The following PCSK4 variants were observed in gnomAD, a reference collection of about 807,000 sequenced individuals.
PCSK4 encodes the protein proprotein convertase subtilisin/kexin type 4, also known as testicular tissue protein Li 135.
A neutral mutation model predicts 80.3 loss-of-function variants in PCSK4; 64 were observed. The observed-to-expected ratio is 0.80, with a 90% CI of 0.65 to 0.98. The LOEUF (loss-of-function observed/expected upper bound fraction) is 0.98. Among genes scored for constraint, PCSK4 ranks in the 50% least tolerant of loss-of-function variants. The pLI, the probability that PCSK4 is intolerant of heterozygous loss-of-function variation, is 0.00. For synonymous variants in PCSK4, 561 were observed against 487.6 expected, an observed-to-expected ratio of 1.15 and a Z score of -1.98; for missense variants, 1,213 against 1,093.6, an observed-to-expected ratio of 1.11 and a Z score of -1.54.
At chr19:1,487,520 C>T (rs1363707525) in intron 6 of PCSK4, 83 bp downstream of exon 6, 52 of 1,266,540 alleles carry the variant, frequency 4.1e-5, no homozygotes, top group Non-Finnish European at 5.6e-5. Flanking sequence ...GGTGGGCTCC[C>T]GAGTCCTTGG....
At position 1,488,246 on chromosome 19, in the gene PCSK4, C is replaced by G. The variant is rs746626491; in HGVS notation, c.329G>C (p.Arg110Pro). The G allele has an allele frequency of 1.9e-6, 3 of 1,613,468 alleles. No individual in the cohort carries two copies. Among genetic ancestry groups the G allele is most frequent in the Non-Finnish European group, 2.5e-6 (3 of 1,179,908 alleles). ...GGGCACCACGACAGAGCGTTTCACC[C>G]GCCGCTGCAGCGTCTGCTGCTGGAA... Residue 110 changes from arginine to proline, a missense_variant, in exon 3 of 15, where the codon CGG becomes CCG. Transcript: ENST00000300954.
chr19:1,483,303 A>AGC lies in PCSK4; in HGVS notation c.1550_1551dup (p.Ser518AlafsTer40). The AGC allele has an allele frequency of 6.2e-7, 1 of 1,603,134 alleles. No individual in the cohort carries two copies. The highest frequency in any genetic ancestry group is 1.1e-5 in the South Asian group (1 of 90,382). On this transcript the variant is annotated frameshift_variant, in exon 12 of 15. Coordinates refer to ENST00000300954, the Ensembl canonical transcript of PCSK4. LOFTEE classifies it high-confidence loss of function. ...GCTCACCGTATGGCCACGAGTGTGG[A>AGC]GCGCGTGCCCATGGGGCTGGTGAGC...
chr19:1,484,015 G>C lies in PCSK4; in HGVS notation c.1169+12C>G. Reference sequence around the variant, plus strand: ...GGGCGAGGGCGGTGGACCGGGCCCCGCAGTCACCTACTTGGCCTCCAGCGC... The same window carrying C: ...GGGCGAGGGCGGTGGACCGGGCCCCCCAGTCACCTACTTGGCCTCCAGCGC... On this transcript the variant is annotated intron_variant, in intron 9 of 14. Coordinates refer to ENST00000300954, the Ensembl canonical transcript of PCSK4. The C allele has an allele frequency of 3.9e-6, 6 of 1,528,650 alleles. No homozygotes were observed. Among genetic ancestry groups the C allele is most frequent in the Non-Finnish European group, 5.3e-6 (6 of 1,139,022 alleles). The allele number at this position is 1,528,650 out of a possible 1,614,324, so 94.7% of individuals were successfully genotyped here.
exon 11 of PCSK4, chr19:1,483,732 C>A: frequency 5.0e-6 from 8 of 1,594,388 alleles, no homozygotes; most frequent in Non-Finnish European, 6.8e-6. Flanking sequence ...ACCAGCAGCC[C>A]GGCGTCCAGC....
At chr19:1,486,585 C>T (rs918841535) in intron 8 of PCSK4, among the ~76,000 whole-genome samples, 29 of 151,884 alleles carry the variant, frequency 1.9e-4, no homozygotes, top group Non-Finnish European at 3.1e-4. Context: ...CGTCAGCCAC[C>T]GTGCCTGGCC....
chr19:1,483,519 G>A (rs1188434615), intron 11 of PCSK4, 56 bp from the exon 12 acceptor site: 16 of 1,412,292 alleles, frequency 1.1e-5, no homozygotes, highest in Non-Finnish European at 1.4e-5. Context: ...GTGGGTGGGC[G>A]GCCAGCAGGC....
intron 3 of PCSK4, 31 bp downstream of exon 3, chr19:1,488,157 C>A (rs2084741956): frequency 6.2e-7 from 1 of 1,613,202 alleles, no homozygotes. Flanking sequence ...GCGGCCCCGT[C>A]CCCGTCTACC....
At chr19:1,481,909 T>C (rs1453961094) in exon 15 of PCSK4, 2 of 1,594,002 alleles carry the variant, frequency 1.3e-6, no homozygotes, top group Admixed American at 3.4e-5. Flanking sequence ...TGGCCGAGGC[T>C]GGGCAGCGGT....
chr19:1,483,536 G>A (rs2084427142), intron 11 of PCSK4, 73 bp from the exon 12 acceptor site: 4 of 1,415,982 alleles, frequency 2.8e-6, no homozygotes, highest in Non-Finnish European at 2.9e-6. Context: ...AGGCGAGGTC[G>A]GGGCTCAGAG....
exon 1 of PCSK4, chr19:1,490,325 G>A (rs1329388025): frequency 1.4e-6 from 2 of 1,402,856 alleles, no homozygotes; most frequent in East Asian, 2.6e-5. Flanking sequence ...CGCAGCCACA[G>A]CGCAATCGGG....
Position 1,483,837 on chromosome 19 carries a change from C to T in PCSK4, c.1273+1G>A. ...CCCGCCCCCGCCCGGCCCCGCCGCA[C>T]CTTGGCGCCCCACGCCGTTGGTCCT... is the stretch of plus-strand genomic sequence containing the variant. On this transcript the variant is annotated splice_donor_variant, in intron 10 of 14. Transcript: ENST00000300954. LOFTEE classifies it high-confidence loss of function. The T allele has an allele frequency of 6.7e-7, 1 of 1,492,130 alleles. No individual in the cohort carries two copies. Among genetic ancestry groups the T allele is most frequent in the Non-Finnish European group, 8.8e-7 (1 of 1,130,486 alleles). The allele number at this position is 1,492,130 out of a possible 1,614,324, so 92.4% of individuals were successfully genotyped here. A position where few individuals can be genotyped will look rare whatever the true frequency, so the allele number is the denominator to read the frequency against.
At chr19:1,482,028 A>G (rs769976285) in exon 15 of PCSK4, 2 of 1,571,040 alleles carry the variant, frequency 1.3e-6, no homozygotes, top group Non-Finnish European at 1.7e-6. Context: ...CAGGAGGTGC[A>G]GTCCCTCGGG....
chr19:1,485,921 T>C (rs2145379991), intron 8 of PCSK4, among the ~76,000 whole-genome samples: 1 of 152,232 alleles, frequency 6.6e-6, no homozygotes, highest in East Asian at 1.9e-4. Context: ...TTCTCCCACT[T>C]TGGCCTCCCA....
chr19:1,488,425 T>G (rs1033902788), intron 2 of PCSK4, 145 bp from the exon 3 acceptor site: 6 of 641,818 alleles, frequency 9.3e-6, no homozygotes, highest in Non-Finnish European at 1.6e-5. Flanking sequence ...GGGCTCTGTC[T>G]GCAGTCGGAA....
intron 11 of PCSK4, 55 bp downstream of exon 11, chr19:1,483,595 G>T: frequency 6.8e-7 from 1 of 1,479,262 alleles, no homozygotes; most frequent in Non-Finnish European, 9.1e-7. Flanking sequence ...TGAGGCCTCA[G>T]GCCTGTCCCC....
chr19:1,481,587 TTC>T (rs370258871), exon 15 of PCSK4: 2,975 of 424,596 alleles, frequency 7.0e-3, no homozygotes, highest in South Asian at 0.015. Flanking sequence ...CAGAGGAGAC[TTC>T]TCTCTCTCTC....
Position 1,487,028 on chromosome 19 carries a change from G to A in PCSK4, c.893C>T (p.Ser298Leu), listed in dbSNP as rs771140768. The A allele has an allele frequency of 2.9e-5, 47 of 1,607,980 alleles. No individual in the cohort carries two copies. The highest frequency in any genetic ancestry group is 3.6e-5 in the Non-Finnish European group (43 of 1,179,778). The change falls in exon 8 of 15, where the codon TCG becomes TTG. Residue 298 changes from serine to leucine, a missense_variant. Ser to Leu is a moderately radical substitution (Grantham distance 145). Transcript: ENST00000300954. The stretch of plus-strand genomic sequence containing the variant: ...GTCGTAGTGCAGGCCGCCGTTGCCC[G>A]AGGCCCAGATGAAGAGCGTGCCCAG...
chr19:1,487,510 G>T lies in PCSK4; in HGVS notation c.682+93C>A, dbSNP rs142715879. ...CCCTAGCACCACCCAGCAGTGAGAG[G>T]GTGGGCTCCCGAGTCCTTGGGCCCA... On this transcript the variant is annotated intron_variant, in intron 6 of 14. Transcript: ENST00000300954. 1.5e-4 allele frequency: 182 copies of T among 1,175,306 alleles called. No homozygotes were observed. In the African/African-American group the frequency reaches 2.5e-3, roughly 16 times the overall value. The allele number at this position is 1,175,306 out of a possible 1,614,324, so 72.8% of individuals were successfully genotyped here.
intron 6 of PCSK4, 40 bp downstream of exon 6, chr19:1,487,563 T>C (rs1327029848): frequency 1.3e-6 from 2 of 1,502,062 alleles, no homozygotes; most frequent in East Asian, 2.5e-5. Context: ...CCCCCTTCCC[T>C]CTCTGTCCCG....
Sources: gnomAD v4.1 joint callset for allele counts (sites outside exome capture counted in the v4.1 genomes callset) on GRCh38, gnomAD v4.1.1 for gene constraint, MANE v1.5 for transcripts, NCBI Gene and HGNC (gene_info 2026-07-23, HGNC 2026-07-21) for gene names.